Variants in COL22A1 observed in about 807,000 individuals in gnomAD.
COL22A1 encodes collagen type XXII alpha 1 chain.
A neutral mutation model predicts 248.9 loss-of-function variants in COL22A1; 221 were observed. The observed-to-expected ratio is 0.89, with a 90% CI of 0.80 to 0.99. The LOEUF (loss-of-function observed/expected upper bound fraction) is 0.99. Ranked by LOEUF, COL22A1 falls within the 50% of genes least tolerant of loss-of-function variation. COL22A1 has a pLI of 0.00. For synonymous variants in COL22A1, 891 were observed against 793.4 expected (o/e 1.12, Z -2.07); for missense variants, 2,240 against 2,179.0 (o/e 1.03, Z -0.56).
rs917999305 is a variant in COL22A1 at position 138,711,284 on chromosome 8, C to T, written c.2517+4398G>A. Among the ~76,000 whole-genome samples the T allele has an allele frequency of 6.4e-4, 97 of 152,046 alleles. 4 individuals carry two copies. The highest frequency in any genetic ancestry group is 1.3e-4 in the Non-Finnish European group (9 of 68,008). Reference sequence around the variant, plus strand: ...GCCAGTAATGGGGAAGAACAGGGGACGTGAAGGGAGAAGCAGAGGCAGAGA... The same window carrying T: ...GCCAGTAATGGGGAAGAACAGGGGATGTGAAGGGAGAAGCAGAGGCAGAGA... On this transcript the variant is annotated intron_variant, in intron 30 of 64. Transcript: ENST00000303045.
At chr8:138,643,647 T>TAGATAGATAGATAGACAGAC (rs568597361) in intron 47 of COL22A1, among the ~76,000 whole-genome samples, 8 of 26,594 alleles carry the variant, frequency 3.0e-4, no homozygotes, top group African/African-American at 4.7e-4. Flanking sequence ...GATAGATAGA[T>TAGATAGATAGATAGACAGAC]AGACAGATAG....
intron 1 of COL22A1, among the ~76,000 whole-genome samples, chr8:138,905,318 T>A (rs186124658): frequency 6.6e-6 from 1 of 152,284 alleles, no homozygotes; most frequent in East Asian, 1.9e-4. Flanking sequence ...AACTTGGATA[T>A]CTCCAGGGAC....
In COL22A1 at chr8:138,663,808, T is replaced by C. The variant is rs573233319; in HGVS notation, c.3151-68A>G. On this transcript the variant is annotated intron_variant, in intron 41 of 64. Coordinates refer to ENST00000303045, the MANE Select transcript of COL22A1 (RefSeq NM_152888.3). Reference sequence around the variant, plus strand: ...ATGCTGATGTAAACAAGCTATGGTGTTTATTCCATAGACAGGTCCTCAGTT... The same window carrying C: ...ATGCTGATGTAAACAAGCTATGGTGCTTATTCCATAGACAGGTCCTCAGTT... 8.0e-6 allele frequency: 10 copies of C among 1,248,044 alleles called. No individual in the cohort carries two copies. In the East Asian group the frequency reaches 2.3e-4, roughly 29 times the overall value. 77.3% of individuals were successfully genotyped at this position (1,248,044 alleles called of 1,614,324 possible).
intron 1 of COL22A1, among the ~76,000 whole-genome samples, chr8:138,902,935 G>A (rs993056236): frequency 2.6e-5 from 4 of 152,054 alleles, no homozygotes; most frequent in East Asian, 3.9e-4. Flanking sequence ...TTTCATGGTC[G>A]TCCACCCCTG....
At chr8:138,644,074 AC>A (rs1821989117) in intron 47 of COL22A1, among the ~76,000 whole-genome samples, 1 of 152,136 alleles carries the variant, frequency 6.6e-6, no homozygotes. Context: ...TAGCCACCAC[AC>A]CTGACCCCTA....
chr8:138,652,874 G>A (rs1055274728), intron 45 of COL22A1, among the ~76,000 whole-genome samples: 17 of 148,350 alleles, frequency 1.1e-4, no homozygotes, highest in Non-Finnish European at 2.2e-4. Context: ...AGCCTCCCAA[G>A]CAGCTGGGAA....
chr8:138,594,285 AG>A, intron 62 of COL22A1, 86 bp from the exon 63 acceptor site: 1 of 1,216,854 alleles, frequency 8.2e-7, no homozygotes, highest in South Asian at 1.5e-5. Context: ...ACTCAGAACC[AG>A]GGGGCCGATA....
chr8:138,637,266 TC>T (rs1821267364), intron 47 of COL22A1, among the ~76,000 whole-genome samples: 2 of 152,024 alleles, frequency 1.3e-5, no homozygotes, highest in South Asian at 4.2e-4. Flanking sequence ...AAACCCAGGG[TC>T]TGCAGGCCTT....
chr8:138,635,034 C>G lies in COL22A1; in HGVS notation c.3585G>C (p.Gly1195=). The G allele has an allele frequency of 3.7e-6, 6 of 1,609,220 alleles. No individual in the cohort carries two copies. In the South Asian group the frequency reaches 6.6e-5, roughly 18 times the overall value. The change falls in exon 49 of 65, where the codon GGG becomes GGC. Residue 1195 remains glycine (G), a synonymous_variant. Transcript: ENST00000303045. ...CTGGTGGCCCAGGGTTCCCTGGGGG[C>G]CCCATGAAACCTGGAACTCCAGGAT... ...QGHPGVPGFM[G]PPGNPGPPGA...
intron 32 of COL22A1, 46 bp from the exon 33 acceptor site, chr8:138,694,925 C>A: frequency 6.3e-7 from 1 of 1,588,838 alleles, no homozygotes; most frequent in South Asian, 1.1e-5. Context: ...GGGAGAACTG[C>A]CCCTCGTCAC....
chr8:138,759,545 C>A (rs915760651), intron 18 of COL22A1, among the ~76,000 whole-genome samples: 3 of 152,208 alleles, frequency 2.0e-5, no homozygotes, highest in African/African-American at 7.2e-5. Context: ...CTATGCCAAT[C>A]CAGAATACAA....
intron 28 of COL22A1, 79 bp from the exon 29 acceptor site, chr8:138,716,368 T>C (rs113484267): frequency 5.2e-6 from 5 of 959,168 alleles, no homozygotes; most frequent in African/African-American, 3.3e-5. Context: ...TGCTCTCAGT[T>C]CCTGCTCTCC....
Position 138,685,607 on chromosome 8 carries a change from A to T in COL22A1, c.2863-295T>A, listed in dbSNP as rs117383437. 5.1e-3 allele frequency among the ~76,000 whole-genome samples: 784 copies of T among 152,326 alleles called. 30 individuals carry two copies. Among genetic ancestry groups the T allele is most frequent in the Admixed American group, 0.043 (652 of 15,298 alleles). On this transcript the variant is annotated intron_variant, in intron 37 of 64. Coordinates refer to ENST00000303045, the MANE Select transcript of COL22A1 (RefSeq NM_152888.3). Reference sequence around the variant, plus strand: ...GACCCTCCCCAATGGTCCTAATCCAATATGAGTAGCGTCTTTTAAAGAAGG... The same window carrying T: ...GACCCTCCCCAATGGTCCTAATCCATTATGAGTAGCGTCTTTTAAAGAAGG...
intron 62 of COL22A1, among the ~76,000 whole-genome samples, chr8:138,595,166 T>C (rs1817420086): frequency 6.6e-6 from 1 of 152,208 alleles, no homozygotes; most frequent in Admixed American, 6.5e-5. Context: ...CAGGCTCTTC[T>C]GACTGCCTGG....
intron 12 of COL22A1, among the ~76,000 whole-genome samples, chr8:138,793,447 TC>T (rs1436319992): frequency 6.6e-6 from 1 of 151,868 alleles, no homozygotes; most frequent in Non-Finnish European, 1.5e-5. Context: ...CATCATCTCA[TC>T]CCACCTCCTC....
At chr8:138,890,869 A>G (rs912335282) in intron 1 of COL22A1, among the ~76,000 whole-genome samples, 3 of 151,970 alleles carry the variant, frequency 2.0e-5, no homozygotes, top group African/African-American at 7.2e-5. Context: ...AAGAAAAAAA[A>G]AAAACTAGCC....
intron 61 of COL22A1, among the ~76,000 whole-genome samples, chr8:138,597,288 T>G (rs767379286): frequency 2.3e-4 from 35 of 152,192 alleles, no homozygotes; most frequent in Non-Finnish European, 4.9e-4. Context: ...CCACTCATAT[T>G]CCCTTCTTCG....
At chr8:138,755,894 C>T (rs1302836603) in intron 18 of COL22A1, 65 bp from the exon 19 acceptor site, 10 of 1,415,840 alleles carry the variant, frequency 7.1e-6, no homozygotes, top group African/African-American at 2.8e-5. Context: ...AGTCCCATCC[C>T]TCTGAGGCTT....
intron 62 of COL22A1, among the ~76,000 whole-genome samples, chr8:138,594,722 G>A (rs1020211414): frequency 2.6e-5 from 4 of 152,194 alleles, no homozygotes; most frequent in Admixed American, 6.5e-5. Context: ...GGCGCAGAAC[G>A]ACGGAAGCCA....
Sources: allele counts gnomAD v4.1 joint callset (sites outside exome capture counted in the v4.1 genomes callset), GRCh38; gene constraint gnomAD v4.1.1; transcripts MANE v1.5; gene names NCBI Gene and HGNC (gene_info 2026-07-23, HGNC 2026-07-21).